ZNF30: variants seen among roughly 807,000 people sequenced by gnomAD.
ZNF30 encodes the protein zinc finger protein 30 (KOX 28).
ZNF30 carries 15 observed loss-of-function variants against 13.2 expected under a neutral mutation model. The observed-to-expected ratio is 1.13, with a 90% CI of 0.76 to 1.75. The LOEUF (loss-of-function observed/expected upper bound fraction) is 1.75. Among genes scored for constraint, ZNF30 ranks in the 40% most tolerant of loss-of-function variants. The pLI, the probability that ZNF30 is intolerant of heterozygous loss-of-function variation, is 0.00. For missense variants in ZNF30, 726 were observed against 757.0 expected, an observed-to-expected ratio of 0.96 and a Z score of 0.48; for synonymous variants, 223 against 256.6, an observed-to-expected ratio of 0.87 and a Z score of 1.25.
chr19:34,942,713 G>A (rs1600232013), intron 4 of ZNF30: 1 of 1,042,538 alleles, frequency 9.6e-7, no homozygotes, highest in Non-Finnish European at 1.3e-6. Context: ...CTAAAAGGGG[G>A]AAATTAGGTC....
intron 4 of ZNF30, among the ~76,000 whole-genome samples, chr19:34,936,170 T>C (rs1346398964): frequency 6.6e-6 from 1 of 152,156 alleles, no homozygotes; most frequent in East Asian, 1.9e-4. Context: ...CTATCAACCA[T>C]CATCCTAGTT....
At position 34,943,447 on chromosome 19, in the gene ZNF30, CATCA is replaced by C. The variant is rs1483314942; in HGVS notation, c.483_486del (p.Gln162SerfsTer80). The stretch of plus-strand genomic sequence containing the variant: ...ATGTGGGAAGAACTTTAGTAATGGA[CATCA>C]ACTCACCATACATCAGAGATTGCAT... On this transcript the variant is annotated frameshift_variant, in exon 5 of 5. Transcript: ENST00000601142. LOFTEE classifies it low-confidence loss of function (END_TRUNC). 6.2e-7 allele frequency: 1 copy of C among 1,613,716 alleles called. No homozygotes were observed. Among genetic ancestry groups the C allele is most frequent in the African/African-American group, 1.3e-5 (1 of 74,884 alleles).
chr19:34,936,339 C>A (rs1322062863), intron 4 of ZNF30, among the ~76,000 whole-genome samples: 1 of 151,970 alleles, frequency 6.6e-6, no homozygotes, highest in African/African-American at 2.4e-5. Flanking sequence ...GTAAAACCCA[C>A]AACATGTTGG....
intron 2 of ZNF30, among the ~76,000 whole-genome samples, chr19:34,931,039 C>CTTTTTTTT (rs56153327): frequency 2.5e-3 from 306 of 122,362 alleles, no homozygotes; most frequent in Non-Finnish European, 2.8e-3. Context: ...TTCTTTTTTT[C>CTTTTTTTT]TTTTTTTTTT....
rs749202909 is a variant in ZNF30, at chr19:34,943,603, A to G, written c.637A>G (p.Ile213Val). ...CAAATGTAAGCAATGTGGAAAGACTATTAGTGGTAGCTATCAACTTACAGT... is the reference window on the plus strand; with the variant it reads ...CAAATGTAAGCAATGTGGAAAGACTGTTAGTGGTAGCTATCAACTTACAGT... ...PLKCKQCGKT[I>V]SGSYQLTVHK... The change falls in exon 5 of 5, where the codon ATT (isoleucine) becomes GTT (valine). Residue 213 changes from isoleucine to valine, a missense_variant. Transcript: ENST00000601142. The G allele has an allele frequency of 9.3e-6, 15 of 1,613,582 alleles. No homozygotes were observed. Among genetic ancestry groups the G allele is most frequent in the Admixed American group, 1.7e-5 (1 of 59,962 alleles).
At chr19:34,928,334 T>C (rs1448275052) in intron 1 of ZNF30, among the ~76,000 whole-genome samples, 2 of 150,050 alleles carry the variant, frequency 1.3e-5, no homozygotes, top group Non-Finnish European at 3.0e-5. Flanking sequence ...GGATGTATAA[T>C]GTTTACGTAA....
intron 4 of ZNF30, among the ~76,000 whole-genome samples, chr19:34,934,136 G>C (rs534190303): frequency 1.3e-5 from 2 of 152,072 alleles, no homozygotes; most frequent in East Asian, 3.9e-4. Context: ...AGAGGGAATA[G>C]CAGATGTGGA....
chr19:34,940,111 A>G lies in ZNF30; in HGVS notation c.257-3112A>G, dbSNP rs191934678. On this transcript the variant is annotated intron_variant, in intron 4 of 4. Transcript: ENST00000601142. Reference sequence around the variant, plus strand: ...TAGAATTGCTTGAAAAAGAAACTCAAAAACTAAAAATTGACCCCATGGGCC... The same window carrying G: ...TAGAATTGCTTGAAAAAGAAACTCAGAAACTAAAAATTGACCCCATGGGCC... Among the ~76,000 whole-genome samples, 79 of 152,356 alleles carry G rather than the reference A, an allele frequency of 5.2e-4. 1 individual carries two copies. The highest frequency in any genetic ancestry group is 1.9e-3 in the African/African-American group (79 of 41,582).
At position 34,943,385 on chromosome 19, in the gene ZNF30, G is replaced by C; in HGVS notation, c.419G>C (p.Arg140Thr). 1.2e-6 allele frequency: 2 copies of C among 1,613,936 alleles called. No individual in the cohort carries two copies. The highest frequency in any genetic ancestry group is 1.7e-6 in the Non-Finnish European group (2 of 1,179,876). ...GACTCAAAGCCTGTTCAACATGAAAGAATACATAGTAGTGAAAAACCCAAC... is the reference window on the plus strand; with the variant it reads ...GACTCAAAGCCTGTTCAACATGAAACAATACATAGTAGTGAAAAACCCAAC... The part of the protein sequence containing the change: ...CQDSKPVQHE[R>T]IHSSEKPNRC... Residue 140 changes from arginine to threonine, a missense_variant, in exon 5 of 5, where the codon AGA becomes ACA. Transcript: ENST00000601142.
chr19:34,944,311 G>C lies in ZNF30; in HGVS notation c.1345G>C (p.Val449Leu). 5 of 1,613,302 alleles carry C rather than the reference G, an allele frequency of 3.1e-6. No individual in the cohort carries two copies. Among genetic ancestry groups the C allele is most frequent in the Non-Finnish European group, 4.2e-6 (5 of 1,179,840 alleles). ...SRHQLTVHQR[V>L]HTGEKPYECK... is the part of the protein sequence containing the mutation. ...CCATCAGCTTACCGTACATCAAAGG[G>C]TTCATACTGGAGAGAAACCCTATGA... Residue 449 changes from valine (V) to leucine (L), a missense_variant, in exon 5 of 5, where the codon GTT becomes CTT. Val to Leu is a conservative substitution (Grantham distance 32). Transcript: ENST00000601142.
Position 34,926,966 on chromosome 19 carries a change from G to T in ZNF30, c.-315G>T, listed in dbSNP as rs1008767126. 1.0e-5 allele frequency: 4 copies of T among 398,486 alleles called. No homozygotes were observed. Among genetic ancestry groups the T allele is most frequent in the African/African-American group, 2.1e-5 (1 of 48,632 alleles). The allele number at this position is 398,486 out of a possible 1,614,324, so 24.7% of individuals were successfully genotyped here. A position where few individuals can be genotyped will look rare whatever the true frequency, so the allele number is the denominator to read the frequency against. On this transcript the variant is annotated 5_prime_UTR_variant, in exon 1 of 5. Transcript: ENST00000601142. ...CTCAGGACTGCATTTCCCAGAGGCT[G>T]CAGCTATCCGGCCAATGTAGCCTGA...
At chr19:34,942,853 A>G (rs563624684) in intron 4 of ZNF30, among the ~76,000 whole-genome samples, 11 of 152,320 alleles carry the variant, frequency 7.2e-5, no homozygotes, top group African/African-American at 2.6e-4. Flanking sequence ...ACAATAAAAT[A>G]TGGATTATAA....
rs781443351 is a variant in ZNF30 at position 34,944,688 on chromosome 19, G to C, written c.1722G>C (p.Gly574=). The C allele has an allele frequency of 2.5e-6, 4 of 1,612,544 alleles. No homozygotes were observed. Among genetic ancestry groups the C allele is most frequent in the Non-Finnish European group, 2.5e-6 (3 of 1,178,806 alleles). The change falls in exon 5 of 5, where the codon GGG becomes GGC. Residue 574 remains glycine (G), a synonymous_variant. Coordinates refer to ENST00000601142, the MANE Select transcript of ZNF30 (RefSeq NM_194325.3). ...AACCTTTTGAATGTAAGGAATGCGG[G>C]AAGGCCTTTAGACTTAATTCATTCC... The part of the protein sequence containing the change: ...GEKPFECKEC[G]KAFRLNSFLT...
rs756205758 is a variant in ZNF30, at chr19:34,944,237, G to A, written c.1271G>A (p.Gly424Glu). ...GTTCAGCATCAGAGGATCCATACTG[G>A]GGAGAAACCCTATGAATGTAAGGAA... ...YLVQHQRIHT[G>E]EKPYECKECG... The change falls in exon 5 of 5, where the codon GGG (glycine) becomes GAG (glutamate). Residue 424 changes from glycine (G) to glutamate (E), a missense_variant. Transcript: ENST00000601142. The A allele has an allele frequency of 1.2e-6, 2 of 1,613,710 alleles. No individual in the cohort carries two copies. Among genetic ancestry groups the A allele is most frequent in the Non-Finnish European group, 1.7e-6 (2 of 1,179,908 alleles).
intron 4 of ZNF30, among the ~76,000 whole-genome samples, chr19:34,939,526 C>T (rs958046791): frequency 6.6e-6 from 1 of 152,084 alleles, no homozygotes. Context: ...GTTGGCCAGG[C>T]TGGTCTCAAA....
chr19:34,928,220 A>AAAAAATATATATATAT (rs1555778254), intron 1 of ZNF30, among the ~76,000 whole-genome samples: 2 of 73,422 alleles, frequency 2.7e-5, no homozygotes, highest in African/African-American at 6.2e-5. Flanking sequence ...AAAAAAAAAA[A>AAAAAATATATATATAT]ATATATATAT....
At chr19:34,937,323 A>G (rs1250514906) in intron 4 of ZNF30, among the ~76,000 whole-genome samples, 1 of 152,038 alleles carries the variant, frequency 6.6e-6, no homozygotes, top group Non-Finnish European at 1.5e-5. Flanking sequence ...AGTAGTGACT[A>G]CTCTTAACAT....
rs918456462 is a variant in ZNF30 at position 34,942,594 on chromosome 19, G to A, written c.257-629G>A. ...GACATTTTATTTTAAACATGGATAGGATAAGAAAGCTCCAGTCTACAAACA... is the reference window on the plus strand; with the variant it reads ...GACATTTTATTTTAAACATGGATAGAATAAGAAAGCTCCAGTCTACAAACA... On this transcript the variant is annotated intron_variant, in intron 4 of 4. Transcript: ENST00000601142. The A allele has an allele frequency of 1.7e-5, 22 of 1,284,508 alleles. No homozygotes were observed. In the Admixed American group the frequency reaches 4.9e-4, roughly 28 times the overall value. The allele number at this position is 1,284,508 out of a possible 1,614,324, so 79.6% of individuals were successfully genotyped here. A position where few individuals can be genotyped will look rare whatever the true frequency, so the allele number is the denominator to read the frequency against.
chr19:34,933,377 C>G (rs1004993279), intron 3 of ZNF30, among the ~76,000 whole-genome samples: 1 of 151,934 alleles, frequency 6.6e-6, no homozygotes, highest in African/African-American at 2.4e-5. Flanking sequence ...TGCTTGAACC[C>G]GGGAAGCGGA....
Sources: gnomAD v4.1 joint callset for allele counts (sites outside exome capture counted in the v4.1 genomes callset) on GRCh38, gnomAD v4.1.1 for gene constraint, MANE v1.5 for transcripts, NCBI Gene and HGNC (gene_info 2026-07-23, HGNC 2026-07-21) for gene names.